Variants in GUCY1B1 observed in about 807,000 individuals in gnomAD.
GUCY1B1 encodes guanylate cyclase soluble subunit beta-1.
In GUCY1B1, 43 loss-of-function variants were observed where a neutral mutation model predicts 71.0. The observed-to-expected ratio is 0.61, with a 90% CI of 0.47 to 0.78. GUCY1B1 has a LOEUF of 0.78. Among genes scored for constraint, GUCY1B1 ranks in the 30% least tolerant of loss-of-function variants. GUCY1B1 has a pLI of 0.00. For synonymous variants in GUCY1B1, 266 were observed against 259.7 expected, an observed-to-expected ratio of 1.02 and a Z score of -0.23; for missense variants, 535 against 754.1, an observed-to-expected ratio of 0.71 and a Z score of 3.40.
intron 5 of GUCY1B1, among the ~76,000 whole-genome samples, chr4:155,790,859 T>C (rs1739105395): frequency 6.6e-6 from 1 of 152,234 alleles, no homozygotes; most frequent in African/African-American, 2.4e-5. Context: ...GTTTTCTTTC[T>C]TTCAGAAGTT....
rs537627214 is a variant in GUCY1B1 at position 155,759,030 on chromosome 4, C to T, written c.-111C>T. 1.6e-5 allele frequency: 19 copies of T among 1,197,284 alleles called. No individual in the cohort carries two copies. In the East Asian group the frequency reaches 2.0e-4, roughly 13 times the overall value. 74.2% of individuals were successfully genotyped at this position (1,197,284 alleles called of 1,614,324 possible). ...CAAGGCGGCTGTTCTCGCTCCAGCT[C>T]GATGCTGCCTCCCCGGCCCGGTTGC... is the stretch of plus-strand genomic sequence containing the variant. On this transcript the variant is annotated 5_prime_UTR_variant, in exon 1 of 14. Coordinates refer to ENST00000264424, the MANE Select transcript of GUCY1B1 (RefSeq NM_000857.5).
rs763031049 is a variant in GUCY1B1 at position 155,795,447 on chromosome 4, T to C, written c.833T>C (p.Leu278Ser). 7 of 1,453,076 alleles carry C rather than the reference T, an allele frequency of 4.8e-6. No individual in the cohort carries two copies. In the East Asian group the frequency reaches 1.6e-4, roughly 33 times the overall value. 90.0% of individuals were successfully genotyped at this position (1,453,076 alleles called of 1,614,324 possible). The change falls in exon 7 of 14, where the codon TTG (leucine) becomes TCG (serine). Residue 278 changes from leucine to serine, a missense_variant. Coordinates refer to ENST00000264424, the MANE Select transcript of GUCY1B1 (RefSeq NM_000857.5). ...ILSHINTVFV[L>S]RSKEGLLDVE... is the part of the protein sequence containing the mutation. ...TCTCACATCAATACTGTTTTTGTAT[T>C]GAGAAGCAAGGTAATCAAGATATTA...
At chr4:155,780,957 A>T (rs956237541) in intron 4 of GUCY1B1, among the ~76,000 whole-genome samples, 1 of 152,154 alleles carries the variant, frequency 6.6e-6, no homozygotes, top group Non-Finnish European at 1.5e-5. Context: ...ATAACATGGG[A>T]GACTATTTGA....
rs17033555 is a variant in GUCY1B1 at position 155,799,351 on chromosome 4, A to G, written c.978-526A>G. On this transcript the variant is annotated intron_variant, in intron 8 of 13. Transcript: ENST00000264424. The stretch of plus-strand genomic sequence containing the variant: ...AAGTAAGAATGACACATAGTTTTAG[A>G]TACATAAATTACATGCTGAGGCTGG... 3.9e-5 allele frequency among the ~76,000 whole-genome samples: 6 copies of G among 152,176 alleles called. No homozygotes were observed. The East Asian group carries it at 9.6e-4, about 24-fold the overall frequency.
rs1740001172 is a variant in GUCY1B1 at position 155,802,231 on chromosome 4, C to T, written c.1176-111C>T. On this transcript the variant is annotated intron_variant, in intron 9 of 13. Transcript: ENST00000264424. The surrounding 1 kb of genome is among the most constrained non-coding windows in gnomAD (Gnocchi z 4.3). ...ATTTTAGAGGATGTCCTGCTAGAAT[C>T]CAGGCCTTTAAAGTACAAACGACAC... The T allele has an allele frequency of 6.5e-7, 1 of 1,539,298 alleles. No homozygotes were observed. The highest frequency in any genetic ancestry group is 1.4e-5 in the African/African-American group (1 of 73,114).
At position 155,793,980 on chromosome 4, in the gene GUCY1B1, G is replaced by C; in HGVS notation, c.620G>C (p.Arg207Pro). The stretch of plus-strand genomic sequence containing the variant: ...GAAGAAAATGGTACCCAGGAATCAC[G>C]CATCAGCCCATATACATTCTGCAAA... Reference protein sequence around the residue: ...RFEENGTQESRISPYTFCKAF... With the variant: ...RFEENGTQESPISPYTFCKAF... The change falls in exon 6 of 14, where the codon CGC (arginine) becomes CCC (proline). Residue 207 changes from arginine (R) to proline (P), a missense_variant. Arg to Pro is a moderately radical substitution (Grantham distance 103). Coordinates refer to ENST00000264424, the MANE Select transcript of GUCY1B1 (RefSeq NM_000857.5). 5 of 1,609,528 alleles carry C rather than the reference G, an allele frequency of 3.1e-6. 1 individual carries two copies. The highest frequency in any genetic ancestry group is 4.3e-6 in the Non-Finnish European group (5 of 1,175,892).
chr4:155,759,974 G>T (rs1736863170), intron 2 of GUCY1B1, 114 bp downstream of exon 2: 2 of 690,914 alleles, frequency 2.9e-6, no homozygotes, highest in African/African-American at 3.7e-5. Flanking sequence ...CATCCTTGGA[G>T]GTGCCTCCGC....
At chr4:155,794,991 C>A (rs1393868873) in intron 6 of GUCY1B1, among the ~76,000 whole-genome samples, 5 of 152,102 alleles carry the variant, frequency 3.3e-5, no homozygotes, top group African/African-American at 1.2e-4. Context: ...ATTTTAATTT[C>A]ATTTCAAGCC....
At chr4:155,798,477 A>C in intron 8 of GUCY1B1, among the ~76,000 whole-genome samples, 1 of 152,146 alleles carries the variant, frequency 6.6e-6, no homozygotes, top group African/African-American at 2.4e-5. Flanking sequence ...CTTTTTCTGC[A>C]AGTGGATTTA....
At position 155,802,253 on chromosome 4, in the gene GUCY1B1, A is replaced by T; in HGVS notation, c.1176-89A>T. ...AATCCAGGCCTTTAAAGTACAAACG[A>T]CACTGATGCTGTGTGAAAAGGACAG... On this transcript the variant is annotated intron_variant, in intron 9 of 13. Coordinates refer to ENST00000264424, the MANE Select transcript of GUCY1B1 (RefSeq NM_000857.5). The surrounding 1 kb of genome is among the most constrained non-coding windows in gnomAD (Gnocchi z 4.3). 6.4e-7 allele frequency: 1 copy of T among 1,572,386 alleles called. No homozygotes were observed. The highest frequency in any genetic ancestry group is 8.6e-7 in the Non-Finnish European group (1 of 1,161,352).
At chr4:155,785,661 A>G (rs1738715204) in intron 4 of GUCY1B1, among the ~76,000 whole-genome samples, 2 of 152,338 alleles carry the variant, frequency 1.3e-5, no homozygotes, top group African/African-American at 4.8e-5. Context: ...GTGTACTTAA[A>G]TGAAAATAAC....
rs1330705668 is a variant in GUCY1B1, at chr4:155,806,550, A to T, written c.*141A>T. On this transcript the variant is annotated 3_prime_UTR_variant, in exon 14 of 14. Transcript: ENST00000264424. ...ATTACCCCAAGACTTTCTTCTAGATATATCTCTCACTATCCGTTATTCAAC... is the reference window on the plus strand; with the variant it reads ...ATTACCCCAAGACTTTCTTCTAGATTTATCTCTCACTATCCGTTATTCAAC... 1 of 604,518 alleles carries T rather than the reference A, an allele frequency of 1.7e-6. No individual in the cohort carries two copies. The highest frequency in any genetic ancestry group is 1.9e-5 in the African/African-American group (1 of 53,352). The allele number at this position is 604,518 out of a possible 1,614,324, so 37.4% of individuals were successfully genotyped here.
At chr4:155,797,148 CTA>C (rs1405822147) in intron 8 of GUCY1B1, among the ~76,000 whole-genome samples, 1 of 152,064 alleles carries the variant, frequency 6.6e-6, no homozygotes, top group Non-Finnish European at 1.5e-5. Flanking sequence ...AAAATTATGT[CTA>C]AATTTGCTTC....
intron 4 of GUCY1B1, among the ~76,000 whole-genome samples, chr4:155,788,710 TAA>T (rs2111101291): frequency 6.6e-6 from 1 of 152,326 alleles, no homozygotes; most frequent in Non-Finnish European, 1.5e-5. Context: ...CCAGAAGAAA[TAA>T]AGTCTTAGAA....
At chr4:155,800,109 C>A in intron 9 of GUCY1B1, 35 bp downstream of exon 9, 3 of 1,400,550 alleles carry the variant, frequency 2.1e-6, no homozygotes, top group Non-Finnish European at 3.0e-6. Context: ...TACTGTTATT[C>A]ATAACATAAT....
chr4:155,771,860 T>C (rs963825372), intron 2 of GUCY1B1, among the ~76,000 whole-genome samples: 3 of 152,312 alleles, frequency 2.0e-5, no homozygotes, highest in South Asian at 2.1e-4. Flanking sequence ...AGTATAATTA[T>C]GATATGAAAA....
chr4:155,759,914 C>T (rs1736853380), intron 2 of GUCY1B1, 54 bp downstream of exon 2: 1 of 1,319,816 alleles, frequency 7.6e-7, no homozygotes, highest in Non-Finnish European at 1.1e-6. Context: ...GTGTGGGAGG[C>T]CCCCCGCGCC....
chr4:155,762,433 TG>T (rs1737062951), intron 2 of GUCY1B1, among the ~76,000 whole-genome samples: 1 of 152,198 alleles, frequency 6.6e-6, no homozygotes, highest in African/African-American at 2.4e-5. Flanking sequence ...TATACTTTTT[TG>T]CTTCACTAGG....
rs1449019907 is a variant in GUCY1B1 at position 155,793,852 on chromosome 4, C to T, written c.496-4C>T. ...TTCATGCCATTTCCCCCTTTGATAT[C>T]CAGGTTATTCAGCAAAGAAATGAAG... On this transcript the variant is annotated splice_region_variant and splice_polypyrimidine_tract_variant and intron_variant, in intron 5 of 13. Transcript: ENST00000264424. 1.6e-6 allele frequency: 2 copies of T among 1,271,676 alleles called. No homozygotes were observed. The highest frequency in any genetic ancestry group is 2.9e-5 in the African/African-American group (2 of 68,204). 78.8% of individuals were successfully genotyped at this position (1,271,676 alleles called of 1,614,324 possible).
Sources: gnomAD v4.1 joint callset for allele counts (sites outside exome capture counted in the v4.1 genomes callset) on GRCh38, gnomAD v4.1.1 for gene constraint, Gnocchi (gnomAD v3.1) non-coding constraint, MANE v1.5 for transcripts, NCBI Gene and HGNC (gene_info 2026-07-23, HGNC 2026-07-21) for gene names.